NDUFV2: variants seen among roughly 807,000 people sequenced by gnomAD.
NDUFV2 encodes the protein NADH:ubiquinone oxidoreductase core subunit V2.
In NDUFV2, 18 loss-of-function variants were observed where a neutral mutation model predicts 31.6. The observed-to-expected ratio is 0.57, with a 90% CI of 0.39 to 0.84. NDUFV2 has a LOEUF of 0.84. Among genes scored for constraint, NDUFV2 ranks in the 40% least tolerant of loss-of-function variants. NDUFV2 has a pLI of 0.00. For missense variants in NDUFV2, 314 were observed against 303.6 expected, an observed-to-expected ratio of 1.03 and a Z score of -0.26; for synonymous variants, 83 against 99.8, an observed-to-expected ratio of 0.83 and a Z score of 1.01.
At chr18:9,110,540 A>T (rs1037646887) in intron 1 of NDUFV2, among the ~76,000 whole-genome samples, 1 of 152,078 alleles carries the variant, frequency 6.6e-6, no homozygotes, top group Non-Finnish European at 1.5e-5. Context: ...ACAGGGTCTC[A>T]CTCTGTCTCC....
Position 9,134,272 on chromosome 18 carries a change from G to A in NDUFV2, c.743G>A (p.Gly248Asp). ...PKGPGFGVQA[G>D]L ...GGACCTGGATTTGGTGTACAAGCAG[G>A]CCTTTAATTTATATTGAACTGTAAA... The change falls in exon 8 of 8, where the codon GGC becomes GAC. Residue 248 changes from glycine to aspartate, a missense_variant. Physicochemically the swap from Gly to Asp is moderately conservative, Grantham distance 94 (BLOSUM62 -1). Coordinates refer to ENST00000318388, the MANE Select transcript of NDUFV2 (RefSeq NM_021074.5). 1 of 1,609,474 alleles carries A rather than the reference G, an allele frequency of 6.2e-7. No individual in the cohort carries two copies. Among genetic ancestry groups the A allele is most frequent in the South Asian group, 1.1e-5 (1 of 90,940 alleles).
rs538112556 is a variant in NDUFV2 at position 9,122,693 on chromosome 18, A to G, written c.469+12A>G. 95 of 1,613,390 alleles carry G rather than the reference A, an allele frequency of 5.9e-5. 1 individual carries two copies. In the South Asian group the frequency reaches 9.9e-4, roughly 17 times the overall value. ...TCAGAAAAAGCTTGGTAGGGAATAC[A>G]TGATATTTGTAACACTGATAAAAAG... On this transcript the variant is annotated intron_variant, in intron 5 of 7. Transcript: ENST00000318388.
chr18:9,116,956 A>G (rs1163335425), intron 1 of NDUFV2, among the ~76,000 whole-genome samples: 2 of 152,066 alleles, frequency 1.3e-5, no homozygotes, highest in Non-Finnish European at 2.9e-5. Context: ...AATGAAATGC[A>G]GCTGAGAGAA....
In NDUFV2 at chr18:9,126,860, AATT is replaced by A; in HGVS notation, c.613_615del (p.Ile205del). On this transcript the variant is annotated inframe_deletion, in exon 7 of 8. Transcript: ENST00000318388. ...ATTTGACAGCTAAGGATATTGAAGA[AATT>A]ATTGATGAGCTCAAGGCTGGCAAAA... 4 of 1,613,874 alleles carry A rather than the reference AATT, an allele frequency of 2.5e-6. No individual in the cohort carries two copies. Among genetic ancestry groups the A allele is most frequent in the Non-Finnish European group, 2.5e-6 (3 of 1,179,900 alleles).
At chr18:9,124,851 A>T in intron 5 of NDUFV2, 23 bp from the exon 6 acceptor site, 1 of 1,598,502 alleles carries the variant, frequency 6.3e-7, no homozygotes, top group Non-Finnish European at 8.6e-7. Context: ...CCTGGTCCTT[A>T]GAGTGTTTAT....
At position 9,119,408 on chromosome 18, in the gene NDUFV2, ATAAT is replaced by A. The variant is rs1189875420; in HGVS notation, c.183+26_183+29del. 6.2e-7 allele frequency: 1 copy of A among 1,605,220 alleles called. No homozygotes were observed. Among genetic ancestry groups the A allele is most frequent in the East Asian group, 2.2e-5 (1 of 44,742 alleles). ...TATAAGGTATGGCTAAATTAACATT[ATAAT>A]TAATTTACCAAATAGGTAATATTTT... is the stretch of plus-strand genomic sequence containing the variant. On this transcript the variant is annotated intron_variant, in intron 3 of 7. Coordinates refer to ENST00000318388, the MANE Select transcript of NDUFV2 (RefSeq NM_021074.5).
intron 1 of NDUFV2, among the ~76,000 whole-genome samples, chr18:9,105,240 T>C (rs2077835913): frequency 6.6e-6 from 1 of 152,276 alleles, no homozygotes; most frequent in Non-Finnish European, 1.5e-5. Context: ...TTATTTACGC[T>C]TTCAAAGAAA....
At chr18:9,103,064 T>C in intron 1 of NDUFV2, 1 of 424,894 alleles carries the variant, frequency 2.4e-6, no homozygotes, top group Non-Finnish European at 4.2e-6. Flanking sequence ...TATATATATG[T>C]TTGTTTGTTT....
intron 4 of NDUFV2, 59 bp downstream of exon 4, chr18:9,119,649 CT>C: frequency 7.2e-7 from 1 of 1,387,728 alleles, no homozygotes; most frequent in South Asian, 1.2e-5. Context: ...TGATAATTTC[CT>C]TTTATAGAAA....
intron 1 of NDUFV2, 98 bp downstream of exon 1, chr18:9,102,895 C>G (rs751707622): frequency 2.3e-6 from 3 of 1,295,512 alleles, no homozygotes; most frequent in Non-Finnish European, 2.1e-6. Flanking sequence ...GGGCTCTGCA[C>G]GGGCCTGCAG....
intron 7 of NDUFV2, among the ~76,000 whole-genome samples, chr18:9,131,283 A>G (rs2078038321): frequency 6.6e-6 from 1 of 152,182 alleles, no homozygotes; most frequent in Non-Finnish European, 1.5e-5. Context: ...GGCTGAAGAA[A>G]ATCCATGTAC....
At chr18:9,122,184 C>T (rs1442574887) in intron 4 of NDUFV2, among the ~76,000 whole-genome samples, 1 of 151,988 alleles carries the variant, frequency 6.6e-6, no homozygotes, top group East Asian at 1.9e-4. Context: ...TTGACATGAT[C>T]AAAGTAGAAA....
chr18:9,133,078 C>G (rs1462747593), intron 7 of NDUFV2, among the ~76,000 whole-genome samples: 1 of 152,044 alleles, frequency 6.6e-6, no homozygotes, highest in Non-Finnish European at 1.5e-5. Flanking sequence ...TTGTTCATTA[C>G]TTAGTAACTT....
chr18:9,128,369 ATAACT>A (rs2078010411), intron 7 of NDUFV2, among the ~76,000 whole-genome samples: 1 of 152,242 alleles, frequency 6.6e-6, no homozygotes, highest in East Asian at 1.9e-4. Context: ...TCAGTTCAGG[ATAACT>A]TAAGTTTAGT....
intron 4 of NDUFV2, among the ~76,000 whole-genome samples, chr18:9,120,803 G>T (rs1460869275): frequency 6.6e-6 from 1 of 151,986 alleles, no homozygotes; most frequent in Non-Finnish European, 1.5e-5. Flanking sequence ...AATTAAAATA[G>T]CCAACTTTAT....
Position 9,124,919 on chromosome 18 carries a change from T to A in NDUFV2, c.515T>A (p.Ile172Lys). 1 of 1,613,394 alleles carries A rather than the reference T, an allele frequency of 6.2e-7. No homozygotes were observed. The highest frequency in any genetic ancestry group is 8.5e-7 in the Non-Finnish European group (1 of 1,179,606). ...ACACCTGACAAACTTTTCACTCTTA[T>A]AGAAGTGGAATGTTTAGGGGCCTGT... The part of the protein sequence containing the change: ...ETTPDKLFTL[I>K]EVECLGACVN... The change falls in exon 6 of 8, where the codon ATA becomes AAA. Residue 172 changes from isoleucine to lysine, a missense_variant. Coordinates refer to ENST00000318388, the MANE Select transcript of NDUFV2 (RefSeq NM_021074.5).
chr18:9,104,559 C>T (rs2077831820), intron 1 of NDUFV2, among the ~76,000 whole-genome samples: 1 of 152,036 alleles, frequency 6.6e-6, no homozygotes, highest in Non-Finnish European at 1.5e-5. Flanking sequence ...GGCAAAGGGG[C>T]TAGAAGTATA....
intron 1 of NDUFV2, among the ~76,000 whole-genome samples, chr18:9,108,013 A>G (rs1412902743): frequency 5.3e-5 from 8 of 152,156 alleles, no homozygotes; most frequent in Admixed American, 2.6e-4. Flanking sequence ...TGGGCATTTC[A>G]TTTCTATAAA....
rs148649343 is a variant in NDUFV2 at position 9,112,906 on chromosome 18, A to G, written c.55-4932A>G. On this transcript the variant is annotated intron_variant, in intron 1 of 7. Transcript: ENST00000318388. ...ACAGAGTAGGGATACAAGAATATGT[A>G]TTATGATAAAAAATATATGTTGCAT... 1.3e-3 allele frequency among the ~76,000 whole-genome samples: 203 copies of G among 152,314 alleles called. 1 individual carries two copies. Among genetic ancestry groups the G allele is most frequent in the African/African-American group, 4.7e-3 (197 of 41,578 alleles).
Sources: gnomAD v4.1 joint callset for allele counts (sites outside exome capture counted in the v4.1 genomes callset) on GRCh38, gnomAD v4.1.1 for gene constraint, MANE v1.5 for transcripts, NCBI Gene and HGNC (gene_info 2026-07-23, HGNC 2026-07-21) for gene names.